Variants in COL23A1 observed in about 807,000 individuals in gnomAD.
COL23A1 encodes the protein collagen type XXIII alpha 1 chain.
In COL23A1, 97 loss-of-function variants were observed where a neutral mutation model predicts 99.3. The ratio of observed to expected loss-of-function variants is 0.98; its 90% CI spans 0.83 to 1.16. The LOEUF is 1.16. COL23A1 is among the 50% of genes most tolerant of loss of function. The pLI, the probability that COL23A1 is intolerant of heterozygous loss-of-function variation, is 0.00. For synonymous variants in COL23A1, 320 were observed against 308.2 expected, an observed-to-expected ratio of 1.04 and a Z score of -0.40; for missense variants, 762 against 757.4, an observed-to-expected ratio of 1.01 and a Z score of -0.07.
intron 2 of COL23A1, among the ~76,000 whole-genome samples, chr5:178,532,158 G>A (rs865818674): frequency 5.9e-5 from 9 of 152,194 alleles, no homozygotes; most frequent in African/African-American, 1.4e-4. Flanking sequence ...ATCCAGAATC[G>A]AAAAGCTGAG....
chr5:178,259,451 G>A (rs1467859320), intron 12 of COL23A1, among the ~76,000 whole-genome samples: 2 of 152,136 alleles, frequency 1.3e-5, no homozygotes, highest in East Asian at 3.9e-4. Flanking sequence ...GCCCTGAAGT[G>A]GGCAGGAATT....
At position 178,428,044 on chromosome 5, in the gene COL23A1, G is replaced by GTAT. The variant is rs10685409; in HGVS notation, c.362-121128_362-121126dup. Among the ~76,000 whole-genome samples, 16,702 of 152,048 alleles carry GTAT rather than the reference G, an allele frequency of 0.11. 2,072 individuals are homozygous for GTAT. The highest frequency in any genetic ancestry group is 0.55 in the East Asian group (2,809 of 5,118). ...TGATCCCTGATCCAGGGAGGAAGGA[G>GTAT]TATTAGGAAGCCAATTTGGCTCTGG... On this transcript the variant is annotated intron_variant, in intron 2 of 28. Transcript: ENST00000390654. This position sits in a 1 kb window ranked among gnomAD's most constrained non-coding sequence, Gnocchi z 5.0.
chr5:178,331,684 G>T (rs1365210826), intron 2 of COL23A1, among the ~76,000 whole-genome samples: 1 of 152,210 alleles, frequency 6.6e-6, no homozygotes, highest in Admixed American at 6.5e-5. Flanking sequence ...TGGCTTCTGG[G>T]TTACAGGCAG....
At chr5:178,486,440 C>T (rs1464000643) in intron 2 of COL23A1, among the ~76,000 whole-genome samples, 1 of 152,080 alleles carries the variant, frequency 6.6e-6, no homozygotes, top group Non-Finnish European at 1.5e-5. Context: ...GAGCGCACTG[C>T]GTAATTACCA....
At chr5:178,377,755 AGG>A (rs1763156975) in intron 2 of COL23A1, among the ~76,000 whole-genome samples, 1 of 152,206 alleles carries the variant, frequency 6.6e-6, no homozygotes, top group African/African-American at 2.4e-5. Context: ...GGTGCAGGGC[AGG>A]CCGAGGGGAC....
At chr5:178,363,735 T>C (rs1315821786) in intron 2 of COL23A1, among the ~76,000 whole-genome samples, 1 of 152,196 alleles carries the variant, frequency 6.6e-6, no homozygotes, top group East Asian at 1.9e-4. Flanking sequence ...TGACACTGGC[T>C]CACTGCGCTA....
intron 2 of COL23A1, among the ~76,000 whole-genome samples, chr5:178,364,831 T>C (rs923617675): frequency 1.3e-5 from 2 of 152,246 alleles, no homozygotes; most frequent in Admixed American, 6.5e-5. Context: ...CCCTCACCTA[T>C]GGGGAAGCCG....
At position 178,281,441 on chromosome 5, in the gene COL23A1, T is replaced by C. The variant is rs1756892505; in HGVS notation, c.441+6883A>G. ...TCAGCCCAGAGCTCTCGCAGTCCCC[T>C]GGGGCCCCGGCTGTCGCTGCTCCCA... On this transcript the variant is annotated intron_variant, in intron 5 of 28. Coordinates refer to ENST00000390654, the MANE Select transcript of COL23A1 (RefSeq NM_173465.4). The surrounding 1 kb of genome is among the most constrained non-coding windows in gnomAD (Gnocchi z 4.0). 6.6e-6 allele frequency among the ~76,000 whole-genome samples: 1 copy of C among 152,080 alleles called. No homozygotes were observed. Among genetic ancestry groups the C allele is most frequent in the Non-Finnish European group, 1.5e-5 (1 of 68,012 alleles).
chr5:178,438,332 A>T (rs768186903), intron 2 of COL23A1, among the ~76,000 whole-genome samples: 1 of 152,236 alleles, frequency 6.6e-6, no homozygotes, highest in Non-Finnish European at 1.5e-5. Flanking sequence ...GAGGGGGAAA[A>T]AAAGGTATGT....
At chr5:178,332,342 C>T (rs1315826729) in intron 2 of COL23A1, among the ~76,000 whole-genome samples, 2 of 152,170 alleles carry the variant, frequency 1.3e-5, no homozygotes, top group African/African-American at 4.8e-5. Context: ...CAGTGAGATT[C>T]GGACTCGGCA....
intron 2 of COL23A1, among the ~76,000 whole-genome samples, chr5:178,550,773 A>ACT (rs1761957878): frequency 1.3e-5 from 2 of 152,138 alleles, no homozygotes; most frequent in Non-Finnish European, 2.9e-5. Flanking sequence ...CACCCCACAG[A>ACT]GTAAAAGGCT....
chr5:178,273,293 T>C (rs1756398994), intron 5 of COL23A1, among the ~76,000 whole-genome samples: 1 of 152,218 alleles, frequency 6.6e-6, no homozygotes, highest in Non-Finnish European at 1.5e-5. Context: ...GACCTTATTA[T>C]GGCTGCAGGC....
intron 1 of COL23A1, among the ~76,000 whole-genome samples, chr5:178,583,446 C>A (rs1763762478): frequency 6.6e-6 from 1 of 152,222 alleles, no homozygotes; most frequent in Non-Finnish European, 1.5e-5. Context: ...GCTTTCACTT[C>A]TTGGTCCCTA....
chr5:178,262,401 A>G, intron 9 of COL23A1, 149 bp from the exon 10 acceptor site: 2 of 713,630 alleles, frequency 2.8e-6, no homozygotes, highest in Non-Finnish European at 2.3e-6. Flanking sequence ...CACTGTCCCC[A>G]CTCCACAGAT....
intron 13 of COL23A1, 95 bp downstream of exon 13, chr5:178,257,428 G>A (rs1219282231): frequency 3.9e-5 from 55 of 1,414,782 alleles, no homozygotes; most frequent in Non-Finnish European, 4.7e-5. Context: ...CTAGGAACCC[G>A]TGGTGCCAAA....
rs140455491 is a variant in COL23A1 at position 178,552,902 on chromosome 5, A to G, written c.361+7780T>C. 4.7e-3 allele frequency among the ~76,000 whole-genome samples: 712 copies of G among 151,638 alleles called. 4 individuals carry two copies. The highest frequency in any genetic ancestry group is 0.014 in the African/African-American group (578 of 41,370). Reference sequence around the variant, plus strand: ...CTAATTTTTGTATTTTTAGTAGAGGATTTCACCATGTTGGCCAGGATGGTC... The same window carrying G: ...CTAATTTTTGTATTTTTAGTAGAGGGTTTCACCATGTTGGCCAGGATGGTC... On this transcript the variant is annotated intron_variant, in intron 2 of 28. Coordinates refer to ENST00000390654, the MANE Select transcript of COL23A1 (RefSeq NM_173465.4).
intron 8 of COL23A1, 85 bp from the exon 9 acceptor site, chr5:178,263,409 G>C (rs566625220): frequency 1.2e-6 from 1 of 817,772 alleles, no homozygotes; most frequent in African/African-American, 1.7e-5. Context: ...GCAGCCCCAC[G>C]CCATCCCCTT....
chr5:178,456,489 G>A (rs1234856992), intron 2 of COL23A1, among the ~76,000 whole-genome samples: 4 of 152,110 alleles, frequency 2.6e-5, no homozygotes, highest in African/African-American at 9.7e-5. Flanking sequence ...ACCTGAGGTC[G>A]GGAGTTCGAG....
At chr5:178,410,523 A>T (rs1268217815) in intron 2 of COL23A1, among the ~76,000 whole-genome samples, 1 of 152,250 alleles carries the variant, frequency 6.6e-6, no homozygotes, top group East Asian at 1.9e-4. Flanking sequence ...ATAAGGATAG[A>T]TATAGACCAA....
Sources: gnomAD v4.1 joint callset for allele counts (sites outside exome capture counted in the v4.1 genomes callset) on GRCh38, gnomAD v4.1.1 for gene constraint, Gnocchi (gnomAD v3.1) non-coding constraint, MANE v1.5 for transcripts, NCBI Gene and HGNC (gene_info 2026-07-23, HGNC 2026-07-21) for gene names.